WWOX: variants seen among roughly 807,000 people sequenced by gnomAD.
WWOX encodes the protein WW domain containing oxidoreductase.
Under a neutral mutation model 46.2 loss-of-function variants are expected in WWOX, and 69 were observed. That is an observed-to-expected ratio of 1.49 (90% confidence interval 1.23 to 1.82). WWOX has a LOEUF of 1.82. Among genes scored for constraint, WWOX ranks in the 40% most tolerant of loss-of-function variants. WWOX has a pLI of 0.00. For missense variants in WWOX, 919 were observed against 542.6 expected (o/e 1.69, Z -6.89); for synonymous variants, 359 against 202.6 (o/e 1.77, Z -6.56).
intron 5 of WWOX, among the ~76,000 whole-genome samples, chr16:78,232,644 T>A (rs1021176002): frequency 6.6e-5 from 10 of 152,206 alleles, no homozygotes; most frequent in Non-Finnish European, 8.8e-5. Flanking sequence ...GCTGAATATA[T>A]TTTTATGGGA....
chr16:78,197,812 G>C (rs1430760086), intron 5 of WWOX, among the ~76,000 whole-genome samples: 1 of 152,180 alleles, frequency 6.6e-6, no homozygotes, highest in Non-Finnish European at 1.5e-5. Context: ...TGAGCGACTT[G>C]CCCGAGGCCA....
Position 78,827,905 on chromosome 16 carries a change from A to G in WWOX, c.1057-383703A>G, listed in dbSNP as rs555026461. ...GTGTTGTTATCTCAGGATGGGAACC[A>G]GGCACTGCACCTCCTCATTAGGAGT... On this transcript the variant is annotated intron_variant, in intron 8 of 8. Transcript: ENST00000566780. 2.6e-5 allele frequency among the ~76,000 whole-genome samples: 4 copies of G among 152,336 alleles called. No homozygotes were observed. In the South Asian group the frequency reaches 8.3e-4, roughly 32 times the overall value.
chr16:78,244,836 C>G (rs1245791174), intron 5 of WWOX, among the ~76,000 whole-genome samples: 2 of 152,056 alleles, frequency 1.3e-5, no homozygotes, highest in Non-Finnish European at 2.9e-5. Context: ...CCTTGGAGTT[C>G]TGTTTCTTCT....
At chr16:78,278,747 C>T (rs1199094455) in intron 5 of WWOX, 2 of 1,218,894 alleles carry the variant, frequency 1.6e-6, no homozygotes, top group East Asian at 2.5e-5. Context: ...GTTTTGACTT[C>T]TATCTCGGTG....
intron 3 of WWOX, among the ~76,000 whole-genome samples, chr16:78,113,937 C>T (rs1278089510): frequency 1.3e-5 from 2 of 151,694 alleles, no homozygotes; most frequent in Non-Finnish European, 2.9e-5. Context: ...TTTACACACA[C>T]ATACTTTTAA....
intron 8 of WWOX, among the ~76,000 whole-genome samples, chr16:78,446,011 G>A (rs74030262): frequency 0.086 from 13,086 of 152,252 alleles, 716 homozygotes; most frequent in East Asian, 0.2. Flanking sequence ...TGCGTAGCTG[G>A]CTGTATGTGG....
chr16:78,646,475 TG>T (rs1479473831), intron 8 of WWOX, among the ~76,000 whole-genome samples: 1 of 152,176 alleles, frequency 6.6e-6, no homozygotes, highest in African/African-American at 2.4e-5. Flanking sequence ...TCACCCAGGC[TG>T]GGGTGCAGTG....
chr16:78,749,916 G>T lies in WWOX; in HGVS notation c.1056+317164G>T, dbSNP rs147370113. On this transcript the variant is annotated intron_variant, in intron 8 of 8. Transcript: ENST00000566780. ...ACTTTGAGGGTCCTCAAAATAGAAG[G>T]TCAGAGAGTAGACTTTTAAAAGTCT... Among the ~76,000 whole-genome samples the T allele has an allele frequency of 1.9e-3, 283 of 152,278 alleles. 1 individual carries two copies. Among genetic ancestry groups the T allele is most frequent in the African/African-American group, 6.3e-3 (261 of 41,556 alleles).
chr16:79,178,075 A>T (rs544516632), intron 8 of WWOX, among the ~76,000 whole-genome samples: 2 of 152,256 alleles, frequency 1.3e-5, no homozygotes, highest in African/African-American at 2.4e-5. Flanking sequence ...CACTCTTGTG[A>T]TCTAATCACC....
chr16:79,035,633 G>C (rs892492978), intron 8 of WWOX, among the ~76,000 whole-genome samples: 1 of 152,114 alleles, frequency 6.6e-6, no homozygotes, highest in Non-Finnish European at 1.5e-5. Flanking sequence ...TCGTCTCCCG[G>C]GTTCAAGTGA....
chr16:78,657,516 A>T (rs1228674942), intron 8 of WWOX, among the ~76,000 whole-genome samples: 1 of 152,144 alleles, frequency 6.6e-6, no homozygotes, highest in Non-Finnish European at 1.5e-5. Context: ...AACACAGAAG[A>T]ATCAGCAGAC....
intron 8 of WWOX, among the ~76,000 whole-genome samples, chr16:78,678,089 T>C (rs372577067): frequency 6.6e-6 from 1 of 152,246 alleles, no homozygotes; most frequent in African/African-American, 2.4e-5. Flanking sequence ...TTGCTAATTG[T>C]CTCACTGCCC....
chr16:78,698,834 T>A (rs1298270983), intron 8 of WWOX, among the ~76,000 whole-genome samples: 1 of 152,138 alleles, frequency 6.6e-6, no homozygotes, highest in Non-Finnish European at 1.5e-5. Context: ...CTGGGCAACA[T>A]GGTGAGACCC....
chr16:78,237,929 T>G (rs2037496881), intron 5 of WWOX, among the ~76,000 whole-genome samples: 1 of 152,208 alleles, frequency 6.6e-6, no homozygotes, highest in Non-Finnish European at 1.5e-5. Context: ...CCAACAACAA[T>G]TTTCAGTCTT....
intron 8 of WWOX, among the ~76,000 whole-genome samples, chr16:78,813,084 TC>T (rs1464635918): frequency 7.6e-4 from 115 of 151,608 alleles, no homozygotes; most frequent in African/African-American, 2.6e-3. Flanking sequence ...TGAGATGTTT[TC>T]TTTTTTTTTT....
intron 8 of WWOX, among the ~76,000 whole-genome samples, chr16:78,464,745 C>G (rs1194649853): frequency 6.6e-6 from 1 of 152,116 alleles, no homozygotes; most frequent in Non-Finnish European, 1.5e-5. Flanking sequence ...TAAAGGGCCC[C>G]ATTCAGTCTC....
intron 8 of WWOX, among the ~76,000 whole-genome samples, chr16:78,546,396 AG>A (rs966263281): frequency 3.3e-5 from 5 of 152,314 alleles, no homozygotes; most frequent in Middle Eastern, 3.4e-3. Context: ...CTTGAAAGGC[AG>A]CCCACATTGA....
chr16:79,169,998 AT>A (rs1300207734), intron 8 of WWOX, among the ~76,000 whole-genome samples: 1 of 152,174 alleles, frequency 6.6e-6, no homozygotes, highest in Non-Finnish European at 1.5e-5. Context: ...GGGCATTGCA[AT>A]CTTTAGGACA....
rs551565787 is a variant in WWOX, at chr16:78,607,830, T to G, written c.1056+175078T>G. ...GTCTTTTGGTGCCACGGAAAAGGGC[T>G]GGATTTTCTATCGGGTACAATAGGT... On this transcript the variant is annotated intron_variant, in intron 8 of 8. Coordinates refer to ENST00000566780, the MANE Select transcript of WWOX (RefSeq NM_016373.4). 7.6e-4 allele frequency among the ~76,000 whole-genome samples: 115 copies of G among 152,218 alleles called. 1 individual carries two copies. Among genetic ancestry groups the G allele is most frequent in the African/African-American group, 2.7e-3 (111 of 41,528 alleles).
Sources: gnomAD v4.1 joint callset for allele counts (sites outside exome capture counted in the v4.1 genomes callset) on GRCh38, gnomAD v4.1.1 for gene constraint, MANE v1.5 for transcripts, NCBI Gene and HGNC (gene_info 2026-07-23, HGNC 2026-07-21) for gene names.